Variants in RASD2 observed in about 807,000 individuals in gnomAD.
RASD2 encodes GTP-binding protein Rhes.
A neutral mutation model predicts 15.8 loss-of-function variants in RASD2; 7 were observed. That is an observed-to-expected ratio of 0.44 (90% confidence interval 0.25 to 0.83). The LOEUF (loss-of-function observed/expected upper bound fraction) is 0.83. Among genes scored for constraint, RASD2 ranks in the 40% least tolerant of loss-of-function variants. RASD2 has a pLI of 0.20. For synonymous variants in RASD2, 155 were observed against 153.6 expected, an observed-to-expected ratio of 1.01 and a Z score of -0.07; for missense variants, 274 against 382.8, an observed-to-expected ratio of 0.72 and a Z score of 2.37.
intron 2 of RASD2, among the ~76,000 whole-genome samples, chr22:35,547,805 G>A (rs1398757335): frequency 2.6e-5 from 4 of 152,092 alleles, no homozygotes; most frequent in African/African-American, 7.2e-5. Context: ...TACTAGAGAC[G>A]GGATTTCACC....
chr22:35,534,150 G>C, the RASD2 span, among the ~76,000 whole-genome samples: 3 of 152,230 alleles, frequency 2.0e-5, no homozygotes, highest in African/African-American at 4.8e-5. Flanking sequence ...CCTCTAACTA[G>C]TCAAGTGACT....
upstream of RASD2, among the ~76,000 whole-genome samples, chr22:35,539,634 G>A (rs1459521861): frequency 6.6e-6 from 1 of 152,156 alleles, no homozygotes; most frequent in Non-Finnish European, 1.5e-5. Flanking sequence ...ACGGTTTCCA[G>A]CTGGAATTTA....
chr22:35,547,190 G>T, intron 2 of RASD2, 110 bp downstream of exon 2: 2 of 1,317,386 alleles, frequency 1.5e-6, no homozygotes, highest in Non-Finnish European at 2.1e-6. Flanking sequence ...TCTGAGACAG[G>T]CGTCATCCCT....
chr22:35,544,680 G>T (rs1934449183), intron 1 of RASD2, among the ~76,000 whole-genome samples: 1 of 152,218 alleles, frequency 6.6e-6, no homozygotes, highest in African/African-American at 2.4e-5. Context: ...AGCCTCCTTT[G>T]TTAACCAAGT....
chr22:35,548,189 C>T (rs530199282), intron 2 of RASD2, among the ~76,000 whole-genome samples: 1 of 152,304 alleles, frequency 6.6e-6, no homozygotes, highest in East Asian at 1.9e-4. Flanking sequence ...GCTAAGAGGA[C>T]AAGCCCGGGA....
chr22:35,546,084 G>A (rs1934495760), intron 1 of RASD2, among the ~76,000 whole-genome samples: 1 of 152,168 alleles, frequency 6.6e-6, no homozygotes, highest in Non-Finnish European at 1.5e-5. Context: ...CTGGAGGCAA[G>A]TAAACACCTA....
intron 2 of RASD2, among the ~76,000 whole-genome samples, chr22:35,548,562 A>T (rs1203431959): frequency 1.3e-5 from 2 of 152,200 alleles, no homozygotes; most frequent in African/African-American, 2.4e-5. Context: ...AGGTACTTCT[A>T]TACAGAGAAA....
chr22:35,540,442 C>G (rs1260692881), upstream of RASD2, among the ~76,000 whole-genome samples: 2 of 148,700 alleles, frequency 1.3e-5, no homozygotes, highest in Non-Finnish European at 3.0e-5. Flanking sequence ...GGCCGGGCGC[C>G]GGGGCGAGGC....
At chr22:35,548,370 G>T (rs1158843914) in intron 2 of RASD2, among the ~76,000 whole-genome samples, 1 of 152,220 alleles carries the variant, frequency 6.6e-6, no homozygotes, top group Non-Finnish European at 1.5e-5. Flanking sequence ...TAAGGCGCTT[G>T]GTGAGCAGAT....
chr22:35,539,589 T>C (rs1934294336), upstream of RASD2, among the ~76,000 whole-genome samples: 1 of 152,240 alleles, frequency 6.6e-6, no homozygotes, highest in Non-Finnish European at 1.5e-5. Context: ...TCTCCCTTTT[T>C]CACTGAGGGC....
intron 1 of RASD2, among the ~76,000 whole-genome samples, chr22:35,545,640 C>T (rs755235490): frequency 3.9e-5 from 6 of 152,100 alleles, no homozygotes; most frequent in African/African-American, 7.2e-5. Context: ...GGAGGGATTC[C>T]TGCAAGGGTG....
Position 35,552,020 on chromosome 22 carries a change from C to T in RASD2, c.789C>T (p.Cys263=). Residue 263 remains cysteine (C), a synonymous_variant, in exon 3 of 3, where the codon TGC becomes TGT. Coordinates refer to ENST00000216127, the MANE Select transcript of RASD2 (RefSeq NM_014310.4). ...GCCAGGCCCGTGAGAGGGACAAGTG[C>T]ACCATCCAGTGAGCGAGGGATGCTG... ...REGQARERDK[C]TIQ is the part of the protein sequence containing the mutation. 1.9e-6 allele frequency: 3 copies of T among 1,595,866 alleles called. No individual in the cohort carries two copies. Among genetic ancestry groups the T allele is most frequent in the Non-Finnish European group, 2.5e-6 (3 of 1,176,904 alleles).
the RASD2 span, among the ~76,000 whole-genome samples, chr22:35,533,101 T>C: frequency 6.6e-6 from 1 of 152,196 alleles, no homozygotes. Flanking sequence ...ATGAGTTAAC[T>C]TTGTAGCAGA....
chr22:35,546,367 A>G (rs1177602604), intron 1 of RASD2, among the ~76,000 whole-genome samples: 2 of 152,204 alleles, frequency 1.3e-5, no homozygotes, highest in Admixed American at 1.3e-4. Context: ...AGCCAGATGG[A>G]TGAACCAGGG....
chr22:35,553,673 A>G lies in RASD2; in HGVS notation c.*1641A>G, dbSNP rs1215521945. 2 of 152,142 alleles carry G rather than the reference A, an allele frequency of 1.3e-5. No homozygotes were observed. Among genetic ancestry groups the G allele is most frequent in the Non-Finnish European group, 2.9e-5 (2 of 68,046 alleles). The allele number at this position is 152,142 out of a possible 1,614,324, so 9.4% of individuals were successfully genotyped here. A position where few individuals can be genotyped will look rare whatever the true frequency, so the allele number is the denominator to read the frequency against. ...ACATCTTGTCCTCAACCCTCTCCCT[A>G]GATCAGTCTGTGAGGGTCCCTGTAG... On this transcript the variant is annotated 3_prime_UTR_variant, in exon 3 of 3. Transcript: ENST00000216127.
the RASD2 span, among the ~76,000 whole-genome samples, chr22:35,535,037 G>A: frequency 2.6e-5 from 4 of 152,208 alleles, no homozygotes; most frequent in Admixed American, 6.5e-5. Context: ...TCAAGAGGGC[G>A]AGGACCCCAT....
intron 1 of RASD2, 106 bp downstream of exon 1, chr22:35,541,606 G>C (rs1347346695): frequency 6.6e-6 from 1 of 152,270 alleles, no homozygotes; most frequent in Admixed American, 6.5e-5. Flanking sequence ...TAGATGACCA[G>C]AGAAAGTGAA....
the RASD2 span, among the ~76,000 whole-genome samples, chr22:35,533,180 G>A: frequency 6.6e-6 from 1 of 152,240 alleles, no homozygotes; most frequent in Non-Finnish European, 1.5e-5. Context: ...TGTTAGGCTA[G>A]AAGGCCTATT....
chr22:35,547,303 G>T (rs894791190), intron 2 of RASD2, among the ~76,000 whole-genome samples: 4 of 152,252 alleles, frequency 2.6e-5, no homozygotes, highest in South Asian at 2.1e-4. Context: ...ACTCATGGCT[G>T]TCGGGGCCGC....
Sources: allele counts gnomAD v4.1 joint callset (sites outside exome capture counted in the v4.1 genomes callset), GRCh38; gene constraint gnomAD v4.1.1; transcripts MANE v1.5; gene names NCBI Gene and HGNC (gene_info 2026-07-23, HGNC 2026-07-21).